ACAP2: variants seen among roughly 807,000 people sequenced by gnomAD.
ACAP2 encodes arf-GAP with coiled-coil, ANK repeat and PH domain-containing protein 2.
In ACAP2, 39 loss-of-function variants were observed where a neutral mutation model predicts 115.8. That is an observed-to-expected ratio of 0.34 (90% CI 0.26 to 0.44). ACAP2 has a LOEUF of 0.44. ACAP2 is among the 20% of genes least tolerant of loss of function. The pLI is 1.00. For synonymous variants in ACAP2, 289 were observed against 315.8 expected, an observed-to-expected ratio of 0.92 and a Z score of 0.90; for missense variants, 662 against 927.6, an observed-to-expected ratio of 0.71 and a Z score of 3.72.
At chr3:195,390,915 A>T (rs761088686) in intron 2 of ACAP2, among the ~76,000 whole-genome samples, 2 of 152,204 alleles carry the variant, frequency 1.3e-5, no homozygotes, top group Non-Finnish European at 2.9e-5. Context: ...TGTCTTACTC[A>T]TTCTACTGCT....
intron 1 of ACAP2, among the ~76,000 whole-genome samples, chr3:195,424,283 ATTTTTTTTTTTTTT>A (rs1162275706): frequency 6.1e-4 from 33 of 54,088 alleles, no homozygotes; most frequent in Non-Finnish European, 7.1e-4. Flanking sequence ...ATATATATAT[ATTTTTTTTTTTTTT>A]TTTTTTTTTT....
chr3:195,310,657 T>G (rs868526052), intron 10 of ACAP2, among the ~76,000 whole-genome samples: 15 of 152,220 alleles, frequency 9.9e-5, no homozygotes, highest in Admixed American at 4.6e-4. Context: ...TTAACTTCTC[T>G]TGACCAGCTG....
At chr3:195,295,946 T>C in intron 16 of ACAP2, 54 bp from the exon 17 acceptor site, 1 of 1,458,452 alleles carries the variant, frequency 6.9e-7, no homozygotes, top group Non-Finnish European at 9.3e-7. Flanking sequence ...GCATGGCTAA[T>C]ACCACAACAA....
chr3:195,378,828 T>A (rs1733755084), intron 4 of ACAP2, among the ~76,000 whole-genome samples: 1 of 142,482 alleles, frequency 7.0e-6, no homozygotes, highest in Admixed American at 7.4e-5. Context: ...ACCACTGCAC[T>A]CCAGCCTGGG....
chr3:195,410,978 G>A (rs1182924321), intron 1 of ACAP2: 5 of 389,242 alleles, frequency 1.3e-5, no homozygotes, highest in Non-Finnish European at 2.1e-5. Context: ...TAATCTGCTG[G>A]CATCTTTATC....
At chr3:195,335,892 C>CTTTTTTTTTTTT (rs869135331) in intron 7 of ACAP2, 2 of 90,122 alleles carry the variant, frequency 2.2e-5, no homozygotes, top group Admixed American at 1.4e-4. Flanking sequence ...ACTTCGTTGG[C>CTTTTTTTTTTTT]TTTTTTTTTT....
intron 4 of ACAP2, among the ~76,000 whole-genome samples, chr3:195,378,519 A>C (rs537860103): frequency 1.4e-3 from 212 of 151,326 alleles, no homozygotes; most frequent in African/African-American, 4.7e-3. Context: ...AACAAACAAA[A>C]AAAAACAAAA....
intron 1 of ACAP2, among the ~76,000 whole-genome samples, chr3:195,424,589 G>A (rs1349757207): frequency 6.0e-5 from 9 of 150,946 alleles, no homozygotes; most frequent in East Asian, 2.0e-4. Flanking sequence ...GTGAGCCACC[G>A]CGCCCGGCCA....
chr3:195,331,802 T>G (rs886922516), intron 8 of ACAP2, among the ~76,000 whole-genome samples: 2 of 152,172 alleles, frequency 1.3e-5, no homozygotes, highest in African/African-American at 4.8e-5. Context: ...ATAATGACAT[T>G]TTTATACATA....
intron 10 of ACAP2, among the ~76,000 whole-genome samples, chr3:195,312,085 C>T (rs758860329): frequency 1.2e-4 from 18 of 151,664 alleles, no homozygotes; most frequent in African/African-American, 2.7e-4. Context: ...ACAAAAAATT[C>T]GAGTTATCTT....
At chr3:195,375,740 C>T (rs780317121) in intron 4 of ACAP2, among the ~76,000 whole-genome samples, 5 of 152,020 alleles carry the variant, frequency 3.3e-5, no homozygotes, top group Admixed American at 2.0e-4. Context: ...CACTTAAGCC[C>T]AGGAATTCAA....
At chr3:195,383,922 A>T (rs1734115712) in intron 2 of ACAP2, among the ~76,000 whole-genome samples, 1 of 151,412 alleles carries the variant, frequency 6.6e-6, no homozygotes, top group Non-Finnish European at 1.5e-5. Flanking sequence ...GGAAATTACT[A>T]TTTTTTTTTC....
chr3:195,280,277 G>A (rs924931445), intron 22 of ACAP2, among the ~76,000 whole-genome samples: 17 of 152,046 alleles, frequency 1.1e-4, no homozygotes, highest in Admixed American at 3.3e-4. Context: ...GTTTGAGACC[G>A]CCCGGCCAAC....
At chr3:195,348,899 A>C (rs534376092) in intron 4 of ACAP2, among the ~76,000 whole-genome samples, 6 of 152,326 alleles carry the variant, frequency 3.9e-5, no homozygotes, top group African/African-American at 1.4e-4. Flanking sequence ...TCAGATCAGG[A>C]CCAAGGCCAG....
intron 10 of ACAP2, among the ~76,000 whole-genome samples, chr3:195,313,593 T>G (rs1249069501): frequency 6.6e-6 from 1 of 152,212 alleles, no homozygotes; most frequent in Non-Finnish European, 1.5e-5. Context: ...ATATACTTCT[T>G]ATAATACAAA....
intron 21 of ACAP2, among the ~76,000 whole-genome samples, chr3:195,286,111 G>A (rs1399935219): frequency 4.6e-5 from 7 of 152,104 alleles, no homozygotes; most frequent in African/African-American, 1.7e-4. Context: ...CAGCATCCCC[G>A]CAATACCTCT....
intron 1 of ACAP2, among the ~76,000 whole-genome samples, chr3:195,417,175 T>TC (rs1031175415): frequency 1.4e-5 from 2 of 145,036 alleles, no homozygotes; most frequent in African/African-American, 5.1e-5. Flanking sequence ...CGAGCAGTCC[T>TC]CCCGCCTTAG....
intron 1 of ACAP2, among the ~76,000 whole-genome samples, chr3:195,414,574 G>A (rs78001384): frequency 0.021 from 3,251 of 152,258 alleles, 115 homozygotes; most frequent in East Asian, 0.1. Context: ...TGTACATCCA[G>A]ACAACAGAGT....
At chr3:195,402,988 A>T (rs893573383) in intron 1 of ACAP2, among the ~76,000 whole-genome samples, 1 of 152,212 alleles carries the variant, frequency 6.6e-6, no homozygotes, top group African/African-American at 2.4e-5. Flanking sequence ...ATCATCAATA[A>T]GTCAATTGGA....
Sources: allele counts gnomAD v4.1 joint callset (sites outside exome capture counted in the v4.1 genomes callset), GRCh38; gene constraint gnomAD v4.1.1; transcripts MANE v1.5; gene names NCBI Gene and HGNC (gene_info 2026-07-23, HGNC 2026-07-21).